The following PTPN14 variants were observed in gnomAD, a reference collection of about 807,000 sequenced individuals.
PTPN14 encodes the protein tyrosine-protein phosphatase non-receptor type 14.
PTPN14 carries 53 observed loss-of-function variants against 126.8 expected under a neutral mutation model. The ratio of observed to expected loss-of-function variants is 0.42; its 90% CI spans 0.34 to 0.53. PTPN14 has a LOEUF of 0.53. Among genes scored for constraint, PTPN14 ranks in the 20% least tolerant of loss-of-function variants. The pLI is 0.08. For synonymous variants in PTPN14, 630 were observed against 599.3 expected (o/e 1.05, Z -0.75); for missense variants, 1,257 against 1,552.9 (o/e 0.81, Z 3.20).
chr1:214,443,990 G>C (rs1428468101), intron 3 of PTPN14, among the ~76,000 whole-genome samples: 1 of 152,230 alleles, frequency 6.6e-6, no homozygotes, highest in African/African-American at 2.4e-5. Context: ...GGGAGTGAGA[G>C]TGGGAGGGAG....
intron 1 of PTPN14, among the ~76,000 whole-genome samples, chr1:214,549,632 C>A (rs561557680): frequency 6.6e-6 from 1 of 152,302 alleles, no homozygotes; most frequent in South Asian, 2.1e-4. Context: ...TATTACCACA[C>A]CTACGGCTGT....
intron 1 of PTPN14, among the ~76,000 whole-genome samples, chr1:214,476,926 C>T (rs529196304): frequency 1.3e-5 from 2 of 152,176 alleles, no homozygotes; most frequent in Non-Finnish European, 1.5e-5. Flanking sequence ...GCAGGAAACC[C>T]AAGGAAACAC....
chr1:214,460,397 C>T (rs547834436), intron 2 of PTPN14, among the ~76,000 whole-genome samples: 1 of 151,408 alleles, frequency 6.6e-6, no homozygotes, highest in Non-Finnish European at 1.5e-5. Context: ...CTTTCATACA[C>T]ACACATACAC....
intron 1 of PTPN14, among the ~76,000 whole-genome samples, chr1:214,488,372 G>A (rs757365166): frequency 6.6e-6 from 1 of 152,142 alleles, no homozygotes; most frequent in Admixed American, 6.5e-5. Context: ...ACACAGCTGT[G>A]CTGCTCTCAC....
chr1:214,389,388 C>G (rs574397774), intron 11 of PTPN14, among the ~76,000 whole-genome samples: 13 of 152,316 alleles, frequency 8.5e-5, no homozygotes, highest in African/African-American at 2.6e-4. Flanking sequence ...GTTATATATT[C>G]TAATACATTA....
intron 1 of PTPN14, among the ~76,000 whole-genome samples, chr1:214,535,365 A>C (rs796899600): frequency 3.9e-5 from 6 of 152,362 alleles, no homozygotes; most frequent in African/African-American, 1.4e-4. Context: ...GGCAAAAGTA[A>C]ATCTAGTGCA....
At chr1:214,461,507 C>T (rs183941621) in intron 2 of PTPN14, among the ~76,000 whole-genome samples, 31 of 152,116 alleles carry the variant, frequency 2.0e-4, no homozygotes, top group South Asian at 6.2e-4. Context: ...TTGGCATGTG[C>T]CTGTAGTCTC....
chr1:214,381,619 A>C (rs1429135791), intron 13 of PTPN14, among the ~76,000 whole-genome samples: 4 of 152,220 alleles, frequency 2.6e-5, no homozygotes, highest in African/African-American at 7.2e-5. Context: ...CTACAGATTC[A>C]ATTTCTGACC....
Position 214,387,688 on chromosome 1 carries a change from A to AAAAG in PTPN14, c.988-770_988-767dup, listed in dbSNP as rs1211096860. Among the ~76,000 whole-genome samples, 380 of 151,502 alleles carry AAAAG rather than the reference A, an allele frequency of 2.5e-3. 1 individual carries two copies. The highest frequency in any genetic ancestry group is 8.3e-3 in the African/African-American group (344 of 41,278). On this transcript the variant is annotated intron_variant, in intron 11 of 18. Coordinates refer to ENST00000366956, the MANE Select transcript of PTPN14 (RefSeq NM_005401.5). ...CAAGACTCCGTCAAAAAAAAAAAAA[A>AAAAG]AAAGAAAGAAAGAAAGAAAGAGAAA... is the stretch of plus-strand genomic sequence containing the variant.
chr1:214,369,145 C>T (rs899241116), intron 17 of PTPN14, among the ~76,000 whole-genome samples: 10 of 152,188 alleles, frequency 6.6e-5, no homozygotes, highest in Non-Finnish European at 1.2e-4. Flanking sequence ...CATCATTCCT[C>T]AAAGTTCATC....
chr1:214,470,258 C>T (rs989970063), intron 1 of PTPN14, among the ~76,000 whole-genome samples: 13 of 152,184 alleles, frequency 8.5e-5, no homozygotes, highest in South Asian at 2.1e-4. Context: ...CACTGCACTC[C>T]AGCTAGGCAA....
intron 3 of PTPN14, 114 bp from the exon 4 acceptor site, chr1:214,414,840 T>A (rs898241770): frequency 1.3e-5 from 10 of 792,014 alleles, no homozygotes; most frequent in Non-Finnish European, 1.9e-5. Context: ...GACATGCCTG[T>A]GATGCTGATA....
At position 214,451,928 on chromosome 1, in the gene PTPN14, C is replaced by T. The variant is rs754591855; in HGVS notation, c.221G>A (p.Arg74Gln). Residue 74 changes from arginine to glutamine, a missense_variant, in exon 3 of 19, where the codon CGA becomes CAA. Coordinates refer to ENST00000366956, the MANE Select transcript of PTPN14 (RefSeq NM_005401.5). ...CAGAGGTTTCTCCAGCTCCACCCAT[C>T]GTGCTTGCTGGCTCTTGCTGAGAAA... ...LWFLSKSQQARWVELEKPLKK... is the reference protein window; with the variant it reads ...LWFLSKSQQAQWVELEKPLKK... 4.3e-6 allele frequency: 7 copies of T among 1,614,186 alleles called. No homozygotes were observed. The South Asian group carries it at 5.5e-5, about 13-fold the overall frequency.
intron 1 of PTPN14, among the ~76,000 whole-genome samples, chr1:214,484,935 G>C (rs1380334643): frequency 6.6e-6 from 1 of 152,204 alleles, no homozygotes; most frequent in African/African-American, 2.4e-5. Context: ...TGTGTGGGAA[G>C]ACTTAGATGT....
intron 7 of PTPN14, 88 bp from the exon 8 acceptor site, chr1:214,398,089 T>C: frequency 9.4e-7 from 1 of 1,063,368 alleles, no homozygotes; most frequent in Non-Finnish European, 1.4e-6. Context: ...TCGACCTGAG[T>C]GTCCATCCAC....
intron 4 of PTPN14, among the ~76,000 whole-genome samples, chr1:214,413,776 C>G (rs1659361662): frequency 6.6e-6 from 1 of 152,200 alleles, no homozygotes; most frequent in Admixed American, 6.5e-5. Flanking sequence ...TCAAGCGATT[C>G]TCGTGCTCCA....
Position 214,364,385 on chromosome 1 carries a change from C to A in PTPN14, c.3435+127G>T. 1 of 1,249,816 alleles carries A rather than the reference C, an allele frequency of 8.0e-7. No individual in the cohort carries two copies. Among genetic ancestry groups the A allele is most frequent in the Non-Finnish European group, 1.1e-6 (1 of 908,104 alleles). 77.4% of individuals were successfully genotyped at this position (1,249,816 alleles called of 1,614,324 possible). A position where few individuals can be genotyped will look rare whatever the true frequency, so the allele number is the denominator to read the frequency against. ...CAGAGTCAAACTAGGAACCAGGAGC[C>A]TGGAAAACTCTGGTTGGGAGACAGG... On this transcript the variant is annotated intron_variant, in intron 18 of 18. Transcript: ENST00000366956. This position sits in a 1 kb window ranked among gnomAD's most constrained non-coding sequence, Gnocchi z 4.1.
At chr1:214,450,386 C>T (rs1276822140) in intron 3 of PTPN14, among the ~76,000 whole-genome samples, 2 of 150,786 alleles carry the variant, frequency 1.3e-5, no homozygotes, top group Non-Finnish European at 2.9e-5. Flanking sequence ...GCACGAGAAT[C>T]GCTTGAACCT....
intron 2 of PTPN14, among the ~76,000 whole-genome samples, chr1:214,456,421 A>G (rs1439680485): frequency 6.6e-6 from 1 of 152,232 alleles, no homozygotes; most frequent in Admixed American, 6.5e-5. Flanking sequence ...TCATGCAATT[A>G]CATTCCAATG....
Sources: gnomAD v4.1 joint callset for allele counts (sites outside exome capture counted in the v4.1 genomes callset) on GRCh38, gnomAD v4.1.1 for gene constraint, Gnocchi (gnomAD v3.1) non-coding constraint, MANE v1.5 for transcripts, NCBI Gene and HGNC (gene_info 2026-07-23, HGNC 2026-07-21) for gene names.